CTBP2: variants seen among roughly 807,000 people sequenced by gnomAD.
CTBP2 encodes the protein C-terminal binding protein 2.
Under a neutral mutation model 80.3 loss-of-function variants are expected in CTBP2, and 30 were observed. The observed-to-expected ratio is 0.37, with a 90% CI of 0.28 to 0.51. The LOEUF is 0.51. CTBP2 is among the 20% of genes least tolerant of loss of function. The pLI is 0.93. For missense variants in CTBP2, 1,212 were observed against 1,375.3 expected (o/e 0.88, Z 1.88); for synonymous variants, 594 against 587.4 (o/e 1.01, Z -0.16).
chr10:125,026,960 T>C lies in CTBP2; in HGVS notation c.800A>G (p.Lys267Arg). ...AGCTTCGTAAGTCTCGTAAGCCATC[T>C]TGGATGGGATGCTTTCCCGGGCAGG... Residue 267 changes from lysine (K) to arginine (R), a missense_variant, in exon 1 of 9, where the codon AAG becomes AGG. Lys to Arg is a conservative substitution (Grantham distance 26). This residue lies in a region of CTBP2 where 848 missense variants were observed against 782.3 expected (regional missense o/e 1.08). Coordinates refer to ENST00000309035, the MANE Select transcript of CTBP2 (RefSeq NM_022802.3). 6.2e-7 allele frequency: 1 copy of C among 1,614,054 alleles called. No homozygotes were observed. The highest frequency in any genetic ancestry group is 8.5e-7 in the Non-Finnish European group (1 of 1,180,008).
upstream of CTBP2, among the ~76,000 whole-genome samples, chr10:125,032,301 C>T (rs746944386): frequency 3.3e-5 from 5 of 152,216 alleles, no homozygotes; most frequent in Non-Finnish European, 7.3e-5. Context: ...TCTTTAGCAG[C>T]TTTTCCTGCA....
intron 2 of CTBP2, among the ~76,000 whole-genome samples, chr10:125,071,713 A>T (rs1037969242): frequency 1.3e-5 from 2 of 152,022 alleles, no homozygotes; most frequent in African/African-American, 4.8e-5. Flanking sequence ...AAAGACAGTA[A>T]CTCTCTAAAA....
Position 125,026,597 on chromosome 10 carries a change from G to GGCTGGGGCTGCAGGGC in CTBP2, c.1162_1163insGCCCTGCAGCCCCAGC (p.Ala388GlyfsTer83), listed in dbSNP as rs1554870897. ...GGATGCTGTCTGCAGAGGAGCCGCA[G>GGCTGGGGCTGCAGGGC]CGCCCAGAGAAGCCAAGTCACCATG... On this transcript the variant is annotated frameshift_variant, in exon 1 of 9. Coordinates refer to ENST00000309035, the MANE Select transcript of CTBP2 (RefSeq NM_022802.3). LOFTEE classifies it high-confidence loss of function. 8 of 1,564,436 alleles carry GGCTGGGGCTGCAGGGC rather than the reference G, an allele frequency of 5.1e-6. No homozygotes were observed. Among genetic ancestry groups the GGCTGGGGCTGCAGGGC allele is most frequent in the African/African-American group, 1.4e-5 (1 of 73,512 alleles).
chr10:125,043,440 T>A (rs1366878067), intron 2 of CTBP2, among the ~76,000 whole-genome samples: 3 of 152,190 alleles, frequency 2.0e-5, no homozygotes, highest in African/African-American at 7.2e-5. Flanking sequence ...CTTTTTCTAT[T>A]TCTTTTTCTT....
chr10:125,096,472 T>A (rs1278261640), intron 2 of CTBP2, among the ~76,000 whole-genome samples: 3 of 152,168 alleles, frequency 2.0e-5, no homozygotes, highest in Non-Finnish European at 4.4e-5. Flanking sequence ...AGCTCAGAAG[T>A]GGGACAACAT....
intron 2 of CTBP2, among the ~76,000 whole-genome samples, chr10:125,074,004 T>G (rs1845913584): frequency 6.6e-6 from 1 of 152,196 alleles, no homozygotes; most frequent in Admixed American, 6.5e-5. Context: ...TCAGTACCTG[T>G]TCAGCTGTAT....
chr10:125,141,564 C>A (rs555738315), intron 1 of CTBP2, among the ~76,000 whole-genome samples: 2 of 152,274 alleles, frequency 1.3e-5, no homozygotes, highest in South Asian at 4.2e-4. Flanking sequence ...CACCCCAGAC[C>A]ACCCAGAAGT....
intron 2 of CTBP2, among the ~76,000 whole-genome samples, chr10:125,044,392 C>T (rs189544551): frequency 2.6e-4 from 40 of 152,288 alleles, no homozygotes; most frequent in African/African-American, 8.9e-4. Context: ...CTTGAGAACG[C>T]CAGCCCACCA....
Position 125,026,182 on chromosome 10 carries a change from C to T in CTBP2, c.1578G>A (p.Pro526=), listed in dbSNP as rs148909578. ...GAGGCGTGTGGAGGCTCTGGCTGGC[C>T]GGCGGCAGGGTGGATGGCCCCAGGG... Residue 526 remains proline, a synonymous_variant, in exon 1 of 9, where the codon CCG becomes CCA. Transcript: ENST00000309035. 48 of 1,611,870 alleles carry T rather than the reference C, an allele frequency of 3.0e-5. No individual in the cohort carries two copies. The African/African-American group carries it at 3.7e-4, about 13-fold the overall frequency.
chr10:125,060,597 C>A, intron 2 of CTBP2, among the ~76,000 whole-genome samples: 1 of 152,082 alleles, frequency 6.6e-6, no homozygotes, highest in East Asian at 1.9e-4. Context: ...AATGCTCATC[C>A]CCAGCAGGGA....
chr10:125,025,065 T>C (rs1490106091), intron 1 of CTBP2, among the ~76,000 whole-genome samples: 1 of 152,026 alleles, frequency 6.6e-6, no homozygotes, highest in African/African-American at 2.4e-5. Flanking sequence ...AGCGCCTCGG[T>C]CCCCGCCTAC....
Position 124,984,983 on chromosome 10 carries a change from A to T in CTBP2, c.*4535T>A, listed in dbSNP as rs1952000982. 1.9e-6 allele frequency: 3 copies of T among 1,608,186 alleles called. No homozygotes were observed. Among genetic ancestry groups the T allele is most frequent in the South Asian group, 1.1e-5 (1 of 90,690 alleles). On this transcript the variant is annotated 3_prime_UTR_variant, in exon 9 of 9. Transcript: ENST00000309035. ...ATGGAGAGGAAGATGAGGATGATGA[A>T]GATGAATGAAAAAAAAAATCAAACA... is the stretch of plus-strand genomic sequence containing the variant.
chr10:125,029,153 T>G (rs1041614063), upstream of CTBP2, among the ~76,000 whole-genome samples: 2 of 152,212 alleles, frequency 1.3e-5, no homozygotes, highest in African/African-American at 4.8e-5. Context: ...ACCCGAGTGC[T>G]GTTCCTCACT....
At chr10:125,059,082 C>G (rs1276433895) in intron 2 of CTBP2, among the ~76,000 whole-genome samples, 1 of 152,138 alleles carries the variant, frequency 6.6e-6, no homozygotes, top group Non-Finnish European at 1.5e-5. Context: ...CGTGAACCTT[C>G]TGGAGACGGC....
At chr10:125,141,793 A>G (rs778693214) in intron 1 of CTBP2, among the ~76,000 whole-genome samples, 6 of 152,102 alleles carry the variant, frequency 3.9e-5, no homozygotes, top group Non-Finnish European at 8.8e-5. Flanking sequence ...ATACACAGCA[A>G]GCACACAGCA....
chr10:125,039,051 C>T (rs1959169282), exon 3 of CTBP2: 1 of 1,612,098 alleles, frequency 6.2e-7, no homozygotes, highest in Admixed American at 1.7e-5. Context: ...TCCACAAGGG[C>T]CATTCTTTAT....
chr10:125,089,755 C>G (rs910687696), intron 2 of CTBP2, among the ~76,000 whole-genome samples: 4 of 152,208 alleles, frequency 2.6e-5, no homozygotes, highest in African/African-American at 9.7e-5. Flanking sequence ...TGACACACAG[C>G]AGGGACTTAA....
chr10:125,141,758 T>TAAGCACATGGC (rs1258475887), intron 1 of CTBP2, among the ~76,000 whole-genome samples: 1 of 151,892 alleles, frequency 6.6e-6, no homozygotes, highest in African/African-American at 2.4e-5. Context: ...GAGCACACAG[T>TAAGCACATGGC]AAGCACATGG....
chr10:125,122,174 T>C (rs1174325083), intron 1 of CTBP2, among the ~76,000 whole-genome samples: 3 of 152,212 alleles, frequency 2.0e-5, no homozygotes, highest in Non-Finnish European at 4.4e-5. Flanking sequence ...TCACTAACAC[T>C]GGGAATCCTG....
Sources: allele counts gnomAD v4.1 joint callset (sites outside exome capture counted in the v4.1 genomes callset), GRCh38; gene constraint gnomAD v4.1.1; regional missense constraint gnomAD v4.1.1; transcripts MANE v1.5; gene names NCBI Gene and HGNC (gene_info 2026-07-23, HGNC 2026-07-21).